AK9: variants seen among roughly 807,000 people sequenced by gnomAD.
AK9 encodes the protein adenylate kinase domain containing 1.
AK9 carries 191 observed loss-of-function variants against 239.6 expected under a neutral mutation model. The ratio of observed to expected loss-of-function variants is 0.80; its 90% CI spans 0.71 to 0.90. The LOEUF is 0.90. AK9 is among the 40% of genes least tolerant of loss of function. The pLI is 0.00. For missense variants in AK9, 1,995 were observed against 2,214.7 expected (o/e 0.90, Z 1.99); for synonymous variants, 689 against 721.0 (o/e 0.96, Z 0.71).
chr6:109,528,981 T>C, intron 29 of AK9, 30 bp downstream of exon 29: 1 of 1,543,894 alleles, frequency 6.5e-7, no homozygotes, highest in Non-Finnish European at 8.7e-7. Context: ...AGTGAGACCC[T>C]GTTTTGAAAA....
At chr6:109,590,401 A>G (rs1312565147) in intron 17 of AK9, among the ~76,000 whole-genome samples, 1 of 152,166 alleles carries the variant, frequency 6.6e-6, no homozygotes, top group Non-Finnish European at 1.5e-5. Context: ...TTTCTGTTGC[A>G]TCAGTTGTAA....
intron 10 of AK9, 131 bp downstream of exon 10, chr6:109,641,387 T>A: frequency 2.0e-6 from 1 of 507,080 alleles, no homozygotes; most frequent in Non-Finnish European, 3.4e-6. Flanking sequence ...GGGTTCTGAC[T>A]AGGTCATCCA....
At position 109,659,291 on chromosome 6, in the gene AK9, TTTC is replaced by T. The variant is rs1305374763; in HGVS notation, c.564_566del (p.Lys189del). 3 of 1,606,836 alleles carry T rather than the reference TTTC, an allele frequency of 1.9e-6. No homozygotes were observed. In the Admixed American group the frequency reaches 5.2e-5, roughly 28 times the overall value. ...CTCCTTTTCCGTCCTTTTGGGCTTC[TTTC>T]TTCTTTTTCCTATGATTCTCAATGA... On this transcript the variant is annotated inframe_deletion, in exon 7 of 41. Coordinates refer to ENST00000424296, the MANE Select transcript of AK9 (RefSeq NM_001145128.3).
At chr6:109,500,490 A>G (rs1320424821) in intron 35 of AK9, among the ~76,000 whole-genome samples, 1 of 152,214 alleles carries the variant, frequency 6.6e-6, no homozygotes, top group Non-Finnish European at 1.5e-5. Context: ...TATAGCCAGT[A>G]CGTTTTGTTA....
At chr6:109,634,183 C>T (rs1188739475) in intron 10 of AK9, among the ~76,000 whole-genome samples, 1 of 152,130 alleles carries the variant, frequency 6.6e-6, no homozygotes, top group Non-Finnish European at 1.5e-5. Flanking sequence ...GATTAATGTC[C>T]TTATCTCAGG....
intron 1 of AK9, among the ~76,000 whole-genome samples, chr6:109,686,371 G>A (rs1773511172): frequency 6.6e-6 from 1 of 152,214 alleles, no homozygotes; most frequent in South Asian, 2.1e-4. Flanking sequence ...ATGAGTTACT[G>A]TACCTTGTAC....
intron 20 of AK9, among the ~76,000 whole-genome samples, chr6:109,577,904 C>CTTTTTCTG (rs1554260369): frequency 2.2e-5 from 3 of 137,166 alleles, no homozygotes; most frequent in African/African-American, 6.1e-5. Context: ...CTCTCTTTCT[C>CTTTTTCTG]TCTTTCTTTC....
intron 12 of AK9, among the ~76,000 whole-genome samples, chr6:109,619,948 T>C (rs1794621758): frequency 6.6e-6 from 1 of 152,186 alleles, no homozygotes; most frequent in Non-Finnish European, 1.5e-5. Context: ...AGGTTTTCCC[T>C]CCTTAGCAGA....
At chr6:109,584,983 C>G (rs955999045) in intron 19 of AK9, 140 bp downstream of exon 19, 29 of 675,694 alleles carry the variant, frequency 4.3e-5, no homozygotes, top group Non-Finnish European at 5.2e-5. Flanking sequence ...CGCTGCTTTT[C>G]TTAAAATTAA....
At chr6:109,595,724 C>G (rs965043553) in intron 17 of AK9, among the ~76,000 whole-genome samples, 2 of 152,096 alleles carry the variant, frequency 1.3e-5, no homozygotes, top group Non-Finnish European at 1.5e-5. Flanking sequence ...AGCTGGAAAC[C>G]ATCATTCTCA....
At chr6:109,527,018 T>C (rs942983616) in intron 29 of AK9, among the ~76,000 whole-genome samples, 1 of 152,134 alleles carries the variant, frequency 6.6e-6, no homozygotes, top group Non-Finnish European at 1.5e-5. Context: ...AGTCTGACAC[T>C]GTGCTCACTT....
chr6:109,623,862 G>GAC (rs567410173), intron 12 of AK9, among the ~76,000 whole-genome samples: 15,271 of 136,028 alleles, frequency 0.11, 847 homozygotes, highest in African/African-American at 0.13. Context: ...AGGAATCTTA[G>GAC]ACACACACAC....
At chr6:109,500,991 A>T (rs1372173908) in intron 35 of AK9, among the ~76,000 whole-genome samples, 2 of 131,394 alleles carry the variant, frequency 1.5e-5, no homozygotes, top group African/African-American at 5.1e-5. Context: ...TGGGCAACAG[A>T]GTGAGACTCT....
chr6:109,533,779 T>C (rs1212116130), intron 27 of AK9, among the ~76,000 whole-genome samples: 1 of 152,118 alleles, frequency 6.6e-6, no homozygotes, highest in Non-Finnish European at 1.5e-5. Context: ...AAAATTATAA[T>C]ATTCCATACA....
In AK9 at chr6:109,619,205, C is replaced by T. The variant is rs1440436708; in HGVS notation, c.1286G>A (p.Arg429His). The T allele has an allele frequency of 5.8e-6, 9 of 1,549,226 alleles. No individual in the cohort carries two copies. Among genetic ancestry groups the T allele is most frequent in the Admixed American group, 2.0e-5 (1 of 50,572 alleles). ...TAATGTTTCACGGGCTTTATCAAAA[C>T]GTGGCTGAACAAGTTGGGCATAGTC... ...VVDYAQLVQP[R>H]FDKARETLVE... is the part of the protein sequence containing the mutation. The change falls in exon 13 of 41, where the codon CGT becomes CAT. Residue 429 changes from arginine to histidine, a missense_variant. Physicochemically the swap from Arg to His is conservative, Grantham distance 29. Transcript: ENST00000424296.
chr6:109,498,970 C>G (rs991245561), intron 36 of AK9, 74 bp downstream of exon 36: 2 of 1,293,166 alleles, frequency 1.5e-6, no homozygotes, highest in African/African-American at 1.5e-5. Context: ...GGTGCCTATC[C>G]CTTCCTATTG....
At position 109,605,587 on chromosome 6, in the gene AK9, A is replaced by C. The variant is rs182215927; in HGVS notation, c.1842+4778T>G. Reference sequence around the variant, plus strand: ...TCTGATGCAAATGGATAAAGAGCAAATACTGAGCAATTTTGGAGTAAGAAA... The same window carrying C: ...TCTGATGCAAATGGATAAAGAGCAACTACTGAGCAATTTTGGAGTAAGAAA... On this transcript the variant is annotated intron_variant, in intron 17 of 40. Transcript: ENST00000424296. Among the ~76,000 whole-genome samples the C allele has an allele frequency of 2.0e-3, 302 of 152,290 alleles. 2 individuals carry two copies. Among genetic ancestry groups the C allele is most frequent in the Non-Finnish European group, 2.9e-3 (200 of 68,028 alleles).
At chr6:109,580,190 A>T (rs1341251690) in intron 19 of AK9, among the ~76,000 whole-genome samples, 1 of 151,960 alleles carries the variant, frequency 6.6e-6, no homozygotes. Context: ...TAAGAAAAAA[A>T]CCCTAATTAT....
intron 8 of AK9, among the ~76,000 whole-genome samples, chr6:109,647,387 G>C (rs1338783658): frequency 6.6e-6 from 1 of 152,160 alleles, no homozygotes; most frequent in African/African-American, 2.4e-5. Flanking sequence ...TAAAGGGATG[G>C]AGGAAGATCT....
Sources: gnomAD v4.1 joint callset for allele counts (sites outside exome capture counted in the v4.1 genomes callset) on GRCh38, gnomAD v4.1.1 for gene constraint, MANE v1.5 for transcripts, NCBI Gene and HGNC (gene_info 2026-07-23, HGNC 2026-07-21) for gene names.